PPP2R2C: variants seen among roughly 807,000 people sequenced by gnomAD.
PPP2R2C encodes the protein protein phosphatase 2, regulatory subunit B, gamma.
In PPP2R2C, 10 loss-of-function variants were observed where a neutral mutation model predicts 45.3. That is an observed-to-expected ratio of 0.22 (90% CI 0.14 to 0.37). PPP2R2C has a LOEUF of 0.37. PPP2R2C is among the 10% of genes least tolerant of loss of function. PPP2R2C has a pLI of 1.00. For missense variants in PPP2R2C, 308 were observed against 619.7 expected, an observed-to-expected ratio of 0.50 and a Z score of 5.34; for synonymous variants, 257 against 245.4, an observed-to-expected ratio of 1.05 and a Z score of -0.44.
At chr4:6,512,602 G>GTGA (rs1723692843) in intron 2 of PPP2R2C, among the ~76,000 whole-genome samples, 1 of 123,044 alleles carries the variant, frequency 8.1e-6, no homozygotes, top group Non-Finnish European at 1.7e-5. Context: ...GATGGTGGTG[G>GTGA]TGGTGATTAT....
chr4:6,399,818 G>A (rs1362652624), intron 1 of PPP2R2C, among the ~76,000 whole-genome samples: 1 of 152,190 alleles, frequency 6.6e-6, no homozygotes, highest in Non-Finnish European at 1.5e-5. Context: ...GTGGGCAGCC[G>A]ACAGACAGTC....
chr4:6,393,378 C>T (rs1159046602), intron 1 of PPP2R2C, among the ~76,000 whole-genome samples: 2 of 152,344 alleles, frequency 1.3e-5, no homozygotes, highest in Non-Finnish European at 2.9e-5. Flanking sequence ...TCTTCCACTT[C>T]GCAGAATGTT....
chr4:6,529,293 A>G (rs1246806938), intron 2 of PPP2R2C, among the ~76,000 whole-genome samples: 1 of 152,218 alleles, frequency 6.6e-6, no homozygotes, highest in Non-Finnish European at 1.5e-5. Flanking sequence ...CAGGGATTTC[A>G]CACACGACAA....
chr4:6,324,240 T>C lies in PPP2R2C; in HGVS notation c.1053-647A>G, dbSNP rs2109146007. 6.6e-6 allele frequency among the ~76,000 whole-genome samples: 1 copy of C among 152,270 alleles called. No homozygotes were observed. The highest frequency in any genetic ancestry group is 2.4e-5 in the African/African-American group (1 of 41,540). Reference sequence around the variant, plus strand: ...TGAGGTTAGGAGTTTGAGACCAGCCTGGCCAACATGATGAAACCCTGTCTC... The same window carrying C: ...TGAGGTTAGGAGTTTGAGACCAGCCCGGCCAACATGATGAAACCCTGTCTC... On this transcript the variant is annotated intron_variant, in intron 8 of 8. Transcript: ENST00000382599. This position sits in a 1 kb window ranked among gnomAD's most constrained non-coding sequence, Gnocchi z 4.1.
At chr4:6,394,566 C>G (rs920460878) in intron 1 of PPP2R2C, among the ~76,000 whole-genome samples, 2 of 152,234 alleles carry the variant, frequency 1.3e-5, no homozygotes, top group African/African-American at 4.8e-5. Flanking sequence ...TCTCAGTTTT[C>G]CCATTTGCAA....
Position 6,555,686 on chromosome 4 carries a change from T to C in PPP2R2C, c.-59+7874A>G, listed in dbSNP as rs142744430. On this transcript the variant is annotated intron_variant, in intron 1 of 9. Coordinates refer to the PPP2R2C transcript ENST00000506140. ...AGGAATCCTTTGAATGATGTGATGCTTGTGGGCGACGGTGACTGTGAATTA... is the reference window on the plus strand; with the variant it reads ...AGGAATCCTTTGAATGATGTGATGCCTGTGGGCGACGGTGACTGTGAATTA... The C allele has an allele frequency of 5.5e-4, 84 of 152,396 alleles. 1 individual carries two copies. The highest frequency in any genetic ancestry group is 1.9e-3 in the African/African-American group (78 of 41,594). The allele number at this position is 152,396 out of a possible 1,614,324, so 9.4% of individuals were successfully genotyped here.
rs796219462 is a variant in PPP2R2C, at chr4:6,453,683, T to G, written c.70+18477A>C. 6.2e-4 allele frequency among the ~76,000 whole-genome samples: 94 copies of G among 152,300 alleles called. 1 individual carries two copies. The highest frequency in any genetic ancestry group is 2.2e-3 in the African/African-American group (92 of 41,568). On this transcript the variant is annotated intron_variant, in intron 1 of 8. Transcript: ENST00000382599. Reference sequence around the variant, plus strand: ...CTGCAAGGCTGAACAAACAAGATGATGGGGAGGTCGGTGTGTCCTTCTTGG... The same window carrying G: ...CTGCAAGGCTGAACAAACAAGATGAGGGGGAGGTCGGTGTGTCCTTCTTGG...
rs1379987644 is a variant in PPP2R2C at position 6,323,610 on chromosome 4, A to G, written c.1053-17T>C. Reference sequence around the variant, plus strand: ...ATGATGACGCTGGTGGGAGAAGGAGAGGCATCAGGTGAGGAGGAGCACAAG... The same window carrying G: ...ATGATGACGCTGGTGGGAGAAGGAGGGGCATCAGGTGAGGAGGAGCACAAG... On this transcript the variant is annotated splice_polypyrimidine_tract_variant and intron_variant, in intron 8 of 8. Coordinates refer to ENST00000382599, the MANE Select transcript of PPP2R2C (RefSeq NM_020416.4). The G allele has an allele frequency of 6.5e-7, 1 of 1,535,534 alleles. No homozygotes were observed. Among genetic ancestry groups the G allele is most frequent in the Non-Finnish European group, 8.8e-7 (1 of 1,135,526 alleles).
intron 1 of PPP2R2C, among the ~76,000 whole-genome samples, chr4:6,543,116 C>T (rs1042542622): frequency 2.6e-5 from 4 of 152,166 alleles, no homozygotes; most frequent in Non-Finnish European, 5.9e-5. Context: ...CAGGGTGGAT[C>T]GCCTCCTGTG....
At chr4:6,460,017 C>T (rs1721245394) in intron 1 of PPP2R2C, among the ~76,000 whole-genome samples, 1 of 152,110 alleles carries the variant, frequency 6.6e-6, no homozygotes, top group African/African-American at 2.4e-5. Context: ...TGCAAAGATG[C>T]CCTCACAACA....
intron 2 of PPP2R2C, among the ~76,000 whole-genome samples, chr4:6,497,321 G>C (rs1007534072): frequency 6.6e-6 from 1 of 152,120 alleles, no homozygotes; most frequent in Non-Finnish European, 1.5e-5. Flanking sequence ...TGTGATATTG[G>C]TGCAAGGACA....
At chr4:6,417,922 G>A (rs111296773) in intron 1 of PPP2R2C, among the ~76,000 whole-genome samples, 61 of 152,236 alleles carry the variant, frequency 4.0e-4, no homozygotes, top group African/African-American at 1.3e-3. Context: ...TTGAGATGAC[G>A]GAGACTCCCC....
intron 2 of PPP2R2C, among the ~76,000 whole-genome samples, chr4:6,507,022 T>A (rs1723260102): frequency 6.6e-6 from 1 of 151,996 alleles, no homozygotes; most frequent in Non-Finnish European, 1.5e-5. Flanking sequence ...GCCTCAGACA[T>A]CCTAGGAGGA....
At chr4:6,339,596 G>A (rs1295473883) in intron 6 of PPP2R2C, among the ~76,000 whole-genome samples, 1 of 152,242 alleles carries the variant, frequency 6.6e-6, no homozygotes, top group Non-Finnish European at 1.5e-5. Context: ...GGTGGAGGCC[G>A]ATTGGGTTCA....
chr4:6,441,959 A>C (rs1182879531), intron 1 of PPP2R2C, among the ~76,000 whole-genome samples: 1 of 152,230 alleles, frequency 6.6e-6, no homozygotes, highest in African/African-American at 2.4e-5. Context: ...CTCCTGCAGC[A>C]TATCCCACTG....
Position 6,382,246 on chromosome 4 carries a change from C to T in PPP2R2C, c.71-1152G>A, listed in dbSNP as rs984978395. 103 of 1,219,452 alleles carry T rather than the reference C, an allele frequency of 8.4e-5. 2 individuals carry two copies. Among genetic ancestry groups the T allele is most frequent in the Non-Finnish European group, 9.7e-5 (93 of 956,540 alleles). The allele number at this position is 1,219,452 out of a possible 1,614,324, so 75.5% of individuals were successfully genotyped here. A position where few individuals can be genotyped will look rare whatever the true frequency, so the allele number is the denominator to read the frequency against. On this transcript the variant is annotated intron_variant, in intron 1 of 8. Coordinates refer to ENST00000382599, the MANE Select transcript of PPP2R2C (RefSeq NM_020416.4). ...AAGCTAGTAGGAGCCCGGGATGGCC[C>T]GCTGCTGTGAATGGGACCTCTGTCG...
intron 1 of PPP2R2C, among the ~76,000 whole-genome samples, chr4:6,448,576 T>C (rs1720559145): frequency 6.6e-6 from 1 of 151,952 alleles, no homozygotes; most frequent in South Asian, 2.1e-4. Flanking sequence ...TGGATCGCCC[T>C]TCTCTCCCTC....
intron 2 of PPP2R2C, chr4:6,535,128 A>G: frequency 2.1e-6 from 2 of 957,972 alleles, no homozygotes; most frequent in Non-Finnish European, 3.1e-6. Flanking sequence ...CCCAGGGGCC[A>G]GAGCAGGGGA....
At chr4:6,337,102 A>AGGTGTGTGTGTGTG (rs1733001590) in intron 6 of PPP2R2C, among the ~76,000 whole-genome samples, 1 of 37,322 alleles carries the variant, frequency 2.7e-5, no homozygotes, top group African/African-American at 1.2e-4. Flanking sequence ...TTGTTTCTGT[A>AGGTGTGTGTGTGTG]TGTGTGTGTG....
Sources: allele counts gnomAD v4.1 joint callset (sites outside exome capture counted in the v4.1 genomes callset), GRCh38; gene constraint gnomAD v4.1.1; non-coding constraint Gnocchi (gnomAD v3.1); transcripts MANE v1.5; gene names NCBI Gene and HGNC (gene_info 2026-07-23, HGNC 2026-07-21).